Variants in SLC4A10 observed in about 807,000 individuals in gnomAD.
The protein encoded by SLC4A10 is sodium-driven chloride bicarbonate exchanger.
A neutral mutation model predicts 137.7 loss-of-function variants in SLC4A10; 42 were observed. The observed-to-expected ratio is 0.30, with a 90% confidence interval of 0.24 to 0.39. The LOEUF (loss-of-function observed/expected upper bound fraction) is 0.39. Among genes scored for constraint, SLC4A10 ranks in the 10% least tolerant of loss-of-function variants. The pLI, the probability that SLC4A10 is intolerant of heterozygous loss-of-function variation, is 1.00. For missense variants in SLC4A10, 925 were observed against 1,355.0 expected (o/e 0.68, Z 4.98); for synonymous variants, 474 against 464.1 (o/e 1.02, Z -0.27).
At chr2:161,675,677 C>T (rs1008917501) in intron 1 of SLC4A10, among the ~76,000 whole-genome samples, 15 of 151,944 alleles carry the variant, frequency 9.9e-5, no homozygotes, top group African/African-American at 3.6e-4. Context: ...GAATTATATA[C>T]TTTTATAATT....
At chr2:161,727,764 G>C (rs1159418029) in intron 1 of SLC4A10, among the ~76,000 whole-genome samples, 1 of 151,992 alleles carries the variant, frequency 6.6e-6, no homozygotes, top group African/African-American at 2.4e-5. Context: ...AAAATTAGAA[G>C]ACACAAAGTC....
At chr2:161,817,093 C>T (rs1443179377) in intron 3 of SLC4A10, among the ~76,000 whole-genome samples, 1 of 152,306 alleles carries the variant, frequency 6.6e-6, no homozygotes, top group East Asian at 1.9e-4. Context: ...TACAGTCCCA[C>T]CAACAGTGTA....
intron 4 of SLC4A10, among the ~76,000 whole-genome samples, chr2:161,852,769 A>T (rs1052788671): frequency 5.9e-5 from 9 of 152,186 alleles, no homozygotes; most frequent in Admixed American, 1.3e-4. Context: ...ACAAAATTTT[A>T]AAAAAAACTT....
At position 161,704,484 on chromosome 2, in the gene SLC4A10, CAG is replaced by C. The variant is rs377425033; in HGVS notation, c.49-66488_49-66487del. On this transcript the variant is annotated intron_variant, in intron 1 of 26. Coordinates refer to ENST00000446997, the MANE Select transcript of SLC4A10 (RefSeq NM_001178015.2). ...GTAAAAAGAGGAAGCACATGAGAAA[CAG>C]GGGTATTTGTTGAACTATTGAAATA... 3.5e-3 allele frequency among the ~76,000 whole-genome samples: 536 copies of C among 151,612 alleles called. 6 individuals carry two copies. The highest frequency in any genetic ancestry group is 0.012 in the African/African-American group (505 of 41,466).
intron 1 of SLC4A10, among the ~76,000 whole-genome samples, chr2:161,713,492 T>G (rs1287270358): frequency 1.3e-5 from 2 of 151,738 alleles, no homozygotes; most frequent in Non-Finnish European, 3.0e-5. Flanking sequence ...CCACAAGCAC[T>G]CAAAAGTCCT....
chr2:161,836,485 G>GAAAGA (rs1553575404), intron 3 of SLC4A10, among the ~76,000 whole-genome samples: 1 of 122,032 alleles, frequency 8.2e-6, no homozygotes, highest in African/African-American at 3.6e-5. Flanking sequence ...GTGACAGAGT[G>GAAAGA]AAAGAAAGAA....
intron 1 of SLC4A10, among the ~76,000 whole-genome samples, chr2:161,668,358 A>G (rs1398695281): frequency 1.3e-5 from 2 of 151,810 alleles, no homozygotes; most frequent in Non-Finnish European, 1.5e-5. Context: ...AATGATCTGG[A>G]GAGCTTTCAT....
intron 9 of SLC4A10, among the ~76,000 whole-genome samples, chr2:161,880,980 G>A (rs773365090): frequency 4.6e-5 from 7 of 152,022 alleles, no homozygotes; most frequent in Non-Finnish European, 8.8e-5. Context: ...TTCATACTGA[G>A]ATAGCAAAAT....
intron 1 of SLC4A10, among the ~76,000 whole-genome samples, chr2:161,692,422 G>A (rs1043063852): frequency 1.3e-5 from 2 of 152,060 alleles, no homozygotes; most frequent in Non-Finnish European, 2.9e-5. Context: ...ATTATAGAAT[G>A]TTGTTATGGT....
intron 5 of SLC4A10, among the ~76,000 whole-genome samples, chr2:161,856,831 A>G (rs1409425765): frequency 6.6e-6 from 1 of 152,182 alleles, no homozygotes; most frequent in Non-Finnish European, 1.5e-5. Context: ...TAATAAAGAA[A>G]AAAACTAAGA....
At chr2:161,821,537 G>C (rs905209823) in intron 3 of SLC4A10, among the ~76,000 whole-genome samples, 53 of 152,312 alleles carry the variant, frequency 3.5e-4, no homozygotes, top group African/African-American at 1.2e-3. Context: ...GCTGAGGTGA[G>C]AGAATTGCTT....
At chr2:161,733,679 C>T (rs2047038560) in intron 1 of SLC4A10, among the ~76,000 whole-genome samples, 1 of 152,160 alleles carries the variant, frequency 6.6e-6, no homozygotes, top group Admixed American at 6.5e-5. Context: ...TATGGGAGTA[C>T]AATTCAAGAA....
intron 1 of SLC4A10, among the ~76,000 whole-genome samples, chr2:161,721,732 G>C (rs2045700513): frequency 2.0e-5 from 3 of 152,186 alleles, no homozygotes; most frequent in Admixed American, 1.3e-4. Context: ...ATGTTGGCCT[G>C]TCTTGCTAGG....
chr2:161,644,939 T>A (rs1173706358), intron 1 of SLC4A10, among the ~76,000 whole-genome samples: 1 of 152,142 alleles, frequency 6.6e-6, no homozygotes, highest in Non-Finnish European at 1.5e-5. Flanking sequence ...TAAAGTTACA[T>A]CAAAACAAGA....
chr2:161,808,895 G>T (rs1299987541), intron 3 of SLC4A10, among the ~76,000 whole-genome samples: 3 of 152,056 alleles, frequency 2.0e-5, no homozygotes, highest in African/African-American at 7.2e-5. Flanking sequence ...GCATCTTTTT[G>T]GTGGAATGAT....
At chr2:161,738,225 G>A (rs1268195917) in intron 1 of SLC4A10, among the ~76,000 whole-genome samples, 2 of 152,190 alleles carry the variant, frequency 1.3e-5, no homozygotes, top group Admixed American at 6.5e-5. Context: ...TTTGTTACTT[G>A]ATGATCCTGG....
intron 2 of SLC4A10, among the ~76,000 whole-genome samples, chr2:161,775,993 A>G (rs2052280728): frequency 6.6e-6 from 1 of 151,920 alleles, no homozygotes; most frequent in African/African-American, 2.4e-5. Flanking sequence ...ACTATTAAAC[A>G]ATGGACTGTT....
chr2:161,834,181 T>C (rs1211282178), intron 3 of SLC4A10, among the ~76,000 whole-genome samples: 1 of 152,218 alleles, frequency 6.6e-6, no homozygotes, highest in Non-Finnish European at 1.5e-5. Context: ...TAACTGGATA[T>C]GCTTGTTGGC....
chr2:161,822,623 T>C (rs1010313052), intron 3 of SLC4A10, among the ~76,000 whole-genome samples: 3 of 152,202 alleles, frequency 2.0e-5, no homozygotes, highest in Admixed American at 6.5e-5. Flanking sequence ...CACTTACACA[T>C]AGACTTTTAC....
Sources: gnomAD v4.1 joint callset for allele counts (sites outside exome capture counted in the v4.1 genomes callset) on GRCh38, gnomAD v4.1.1 for gene constraint, MANE v1.5 for transcripts, NCBI Gene and HGNC (gene_info 2026-07-23, HGNC 2026-07-21) for gene names.